SLC8A3: variants seen among roughly 807,000 people sequenced by gnomAD.
SLC8A3 encodes the protein sodium/calcium exchanger 3.
In SLC8A3, 37 loss-of-function variants were observed where a neutral mutation model predicts 65.4. The ratio of observed to expected loss-of-function variants is 0.57; its 90% CI spans 0.44 to 0.74. The LOEUF (loss-of-function observed/expected upper bound fraction) is 0.74, where lower values mean the gene tolerates loss of function less well. Among genes scored for constraint, SLC8A3 ranks in the 30% least tolerant of loss-of-function variants. SLC8A3 has a pLI of 0.00. For missense variants in SLC8A3, 1,112 were observed against 1,172.1 expected (o/e 0.95, Z 0.75); for synonymous variants, 461 against 444.5 (o/e 1.04, Z -0.47).
At position 70,188,403 on chromosome 14, in the gene SLC8A3, G is replaced by C. The variant is rs11629081; in HGVS notation, c.-87C>G. 0.076 allele frequency: 11,497 copies of C among 152,258 alleles called. 653 individuals carry two copies. The highest frequency in any genetic ancestry group is 0.11 in the Non-Finnish European group (7,564 of 68,044). The allele number at this position is 152,258 out of a possible 1,614,324, so 9.4% of individuals were successfully genotyped here. A position where few individuals can be genotyped will look rare whatever the true frequency, so the allele number is the denominator to read the frequency against. ...CCGTTTCCTCTCGGCCTCCCGAGCG[G>C]AGTGGGCAAGGGAGGGGGGTGAGGA... On this transcript the variant is annotated 5_prime_UTR_variant, in exon 1 of 7. Transcript: ENST00000356921.
At chr14:70,113,856 T>C (rs1262513626) in intron 2 of SLC8A3, among the ~76,000 whole-genome samples, 1 of 152,166 alleles carries the variant, frequency 6.6e-6, no homozygotes. Context: ...TTATAGCAAG[T>C]TCAAGGTCAA....
chr14:70,163,460 G>A (rs989524286), intron 2 of SLC8A3, among the ~76,000 whole-genome samples: 3 of 152,164 alleles, frequency 2.0e-5, no homozygotes, highest in African/African-American at 7.2e-5. Context: ...ATATTTAGGG[G>A]AGTATAGTGA....
intron 2 of SLC8A3, among the ~76,000 whole-genome samples, chr14:70,067,950 A>G (rs1054043144): frequency 1.3e-5 from 2 of 152,228 alleles, no homozygotes; most frequent in African/African-American, 4.8e-5. Context: ...CAGAGGCTCC[A>G]GGACCTGCAC....
intron 2 of SLC8A3, among the ~76,000 whole-genome samples, chr14:70,088,881 C>T (rs929282555): frequency 1.3e-5 from 2 of 152,128 alleles, no homozygotes; most frequent in African/African-American, 4.8e-5. Flanking sequence ...GTTCTTTTTA[C>T]CTACTTCTAC....
intron 2 of SLC8A3, among the ~76,000 whole-genome samples, chr14:70,131,966 T>A (rs1000823974): frequency 7.2e-5 from 11 of 152,208 alleles, no homozygotes; most frequent in Admixed American, 3.3e-4. Flanking sequence ...AGTGAATACA[T>A]TTCCATCTGG....
chr14:70,155,416 A>G (rs536187136), intron 2 of SLC8A3, among the ~76,000 whole-genome samples: 5 of 151,960 alleles, frequency 3.3e-5, no homozygotes, highest in African/African-American at 1.2e-4. Flanking sequence ...CTACAATTCT[A>G]CTCTCTACCT....
intron 2 of SLC8A3, among the ~76,000 whole-genome samples, chr14:70,082,633 C>T (rs771816326): frequency 1.8e-4 from 27 of 152,192 alleles, no homozygotes; most frequent in Non-Finnish European, 2.9e-4. Context: ...GCACCCAGCA[C>T]ATACAACTTC....
chr14:70,081,223 G>A (rs1334563181), intron 2 of SLC8A3, among the ~76,000 whole-genome samples: 1 of 152,138 alleles, frequency 6.6e-6, no homozygotes, highest in African/African-American at 2.4e-5. Context: ...AAGGGTAGTG[G>A]TTGAAGTACC....
chr14:70,070,964 C>T (rs1416461436), intron 2 of SLC8A3, among the ~76,000 whole-genome samples: 1 of 152,190 alleles, frequency 6.6e-6, no homozygotes, highest in Non-Finnish European at 1.5e-5. Context: ...ACAGTCAGCT[C>T]TTGTGAGATG....
rs1030310390 is a variant in SLC8A3 at position 70,055,499 on chromosome 14, T to C, written c.1889-3385A>G. 2.0e-5 allele frequency among the ~76,000 whole-genome samples: 3 copies of C among 152,104 alleles called. No individual in the cohort carries two copies. In the South Asian group the frequency reaches 6.2e-4, roughly 32 times the overall value. On this transcript the variant is annotated intron_variant, in intron 3 of 6. Coordinates refer to ENST00000356921, the MANE Select transcript of SLC8A3 (RefSeq NM_182932.3). ...CAGATGAATTAAGACTCAGGAGAAG[T>C]CTATGACCCACCATCTCCTTGTTAA... is the stretch of plus-strand genomic sequence containing the variant.
At chr14:70,143,098 G>C (rs1294998633) in intron 2 of SLC8A3, among the ~76,000 whole-genome samples, 1 of 152,180 alleles carries the variant, frequency 6.6e-6, no homozygotes, top group Admixed American at 6.5e-5. Context: ...AATGAGCGCT[G>C]TTGGAGACAG....
At chr14:70,106,160 G>A (rs1302165634) in intron 2 of SLC8A3, among the ~76,000 whole-genome samples, 3 of 151,952 alleles carry the variant, frequency 2.0e-5, no homozygotes, top group African/African-American at 2.4e-5. Flanking sequence ...ACATATTAAA[G>A]CAAACTGGAA....
intron 2 of SLC8A3, among the ~76,000 whole-genome samples, chr14:70,122,978 A>G (rs1894180566): frequency 6.6e-6 from 1 of 151,218 alleles, no homozygotes; most frequent in African/African-American, 2.4e-5. Context: ...AGGCTGAGGC[A>G]GGAGAATGGC....
At chr14:70,132,005 G>A (rs1479758214) in intron 2 of SLC8A3, among the ~76,000 whole-genome samples, 1 of 152,240 alleles carries the variant, frequency 6.6e-6, no homozygotes, top group African/African-American at 2.4e-5. Flanking sequence ...GACCTTCCAA[G>A]TTGTCCCTTG....
rs188595955 is a variant in SLC8A3, at chr14:70,120,873, C to T, written c.1784+45766G>A. 2.6e-5 allele frequency among the ~76,000 whole-genome samples: 4 copies of T among 152,274 alleles called. No homozygotes were observed. In the East Asian group the frequency reaches 5.8e-4, roughly 22 times the overall value. On this transcript the variant is annotated intron_variant, in intron 2 of 6. Coordinates refer to ENST00000356921, the MANE Select transcript of SLC8A3 (RefSeq NM_182932.3). ...CTTTAAGATATGATTTCTGGCCCCA[C>T]GATGGTCATAGTCTAGAGAGGAGTC...
chr14:70,080,230 G>A lies in SLC8A3; in HGVS notation c.1785-19291C>T, dbSNP rs112004217. 1.7e-5 allele frequency: 17 copies of A among 985,230 alleles called. No individual in the cohort carries two copies. The African/African-American group carries it at 1.9e-4, about 11-fold the overall frequency. 61.0% of individuals were successfully genotyped at this position (985,230 alleles called of 1,614,324 possible). On this transcript the variant is annotated intron_variant, in intron 2 of 6. Transcript: ENST00000356921. Reference sequence around the variant, plus strand: ...TCAGACTATATTTAGATGCCTTAGCGCTTTCATTTTTTTATACCACTGTGT... The same window carrying A: ...TCAGACTATATTTAGATGCCTTAGCACTTTCATTTTTTTATACCACTGTGT...
chr14:70,081,856 A>T (rs1891073827), intron 2 of SLC8A3, among the ~76,000 whole-genome samples: 1 of 152,236 alleles, frequency 6.6e-6, no homozygotes, highest in Non-Finnish European at 1.5e-5. Context: ...GAACAGTATG[A>T]AAAATGAAGG....
At chr14:70,104,527 C>T (rs1476182158) in intron 2 of SLC8A3, among the ~76,000 whole-genome samples, 2 of 152,020 alleles carry the variant, frequency 1.3e-5, no homozygotes, top group South Asian at 2.1e-4. Context: ...CCCTACTTAT[C>T]GCTGGTAATA....
intron 1 of SLC8A3, among the ~76,000 whole-genome samples, chr14:70,176,859 T>G (rs1897940907): frequency 6.6e-6 from 1 of 152,244 alleles, no homozygotes; most frequent in Non-Finnish European, 1.5e-5. Flanking sequence ...TCGTCCATTT[T>G]CAGCAAGTTG....
Sources: gnomAD v4.1 joint callset for allele counts (sites outside exome capture counted in the v4.1 genomes callset) on GRCh38, gnomAD v4.1.1 for gene constraint, MANE v1.5 for transcripts, NCBI Gene and HGNC (gene_info 2026-07-23, HGNC 2026-07-21) for gene names.